The following ZFPM2 variants were observed in gnomAD, a reference collection of about 807,000 sequenced individuals.
The protein encoded by ZFPM2 is zinc finger protein ZFPM2.
ZFPM2 carries 20 observed loss-of-function variants against 98.6 expected under a neutral mutation model. That is an observed-to-expected ratio of 0.20 (90% CI 0.14 to 0.29). The LOEUF (loss-of-function observed/expected upper bound fraction) is 0.29. ZFPM2 is among the 10% of genes least tolerant of loss of function. The probability of loss-of-function intolerance (pLI) is 1.00; values close to 1 mark genes in which losing one functional copy is unlikely to be tolerated. For missense variants in ZFPM2, 1,310 were observed against 1,388.6 expected (o/e 0.94, Z 0.90); for synonymous variants, 518 against 502.7 (o/e 1.03, Z -0.41).
chr8:105,767,218 A>G (rs1006400057), intron 5 of ZFPM2, among the ~76,000 whole-genome samples: 1 of 151,978 alleles, frequency 6.6e-6, no homozygotes, highest in East Asian at 1.9e-4. Flanking sequence ...TTTACATACC[A>G]TCCTGTATAG....
chr8:105,385,752 G>A (rs763424290), intron 1 of ZFPM2, among the ~76,000 whole-genome samples: 7 of 152,164 alleles, frequency 4.6e-5, no homozygotes, highest in Non-Finnish European at 8.8e-5. Flanking sequence ...TCCTTCATTG[G>A]CACATTTTAT....
chr8:105,493,491 C>CT (rs1813396828), intron 3 of ZFPM2, among the ~76,000 whole-genome samples: 2 of 152,190 alleles, frequency 1.3e-5, no homozygotes, highest in Admixed American at 1.3e-4. Context: ...ACAACACACA[C>CT]TGCAAGTGAT....
At chr8:105,321,843 A>G (rs1812031458) in intron 1 of ZFPM2, among the ~76,000 whole-genome samples, 1 of 152,172 alleles carries the variant, frequency 6.6e-6, no homozygotes, top group Non-Finnish European at 1.5e-5. Flanking sequence ...CCAGCCCAGC[A>G]ATCTGCAGAA....
At chr8:105,464,968 C>T (rs866425885) in intron 3 of ZFPM2, among the ~76,000 whole-genome samples, 8 of 146,778 alleles carry the variant, frequency 5.5e-5, no homozygotes, top group African/African-American at 1.8e-4. Flanking sequence ...AAAAAAAAGT[C>T]TAACCTTTCT....
At position 105,393,820 on chromosome 8, in the gene ZFPM2, A is replaced by G. The variant is rs1811165707; in HGVS notation, c.41-25324A>G. Among the ~76,000 whole-genome samples, 3 of 151,826 alleles carry G rather than the reference A, an allele frequency of 2.0e-5. No individual in the cohort carries two copies. The South Asian group carries it at 6.2e-4, about 32-fold the overall frequency. On this transcript the variant is annotated intron_variant, in intron 1 of 7. Coordinates refer to ENST00000407775, the MANE Select transcript of ZFPM2 (RefSeq NM_012082.4). ...AATATCTTGGATTTAGGTCAGAATT[A>G]TTATTCCTAACCACAATTTGGGAAG... is the stretch of plus-strand genomic sequence containing the variant.
At chr8:105,460,505 G>T (rs573877915) in intron 3 of ZFPM2, among the ~76,000 whole-genome samples, 1 of 152,092 alleles carries the variant, frequency 6.6e-6, no homozygotes, top group Non-Finnish European at 1.5e-5. Context: ...TTCCAGCATC[G>T]CAGGCACGGG....
rs184634602 is a variant in ZFPM2, at chr8:105,633,359, C to T, written c.421-887C>T. Among the ~76,000 whole-genome samples, 6 of 152,186 alleles carry T rather than the reference C, an allele frequency of 3.9e-5. No homozygotes were observed. In the East Asian group the frequency reaches 5.8e-4, roughly 15 times the overall value. ...GATATACAGAACATGGACTGGAGAA[C>T]GATAAAAGTGAATGCCGGTTCACGG... On this transcript the variant is annotated intron_variant, in intron 4 of 7. Coordinates refer to ENST00000407775, the MANE Select transcript of ZFPM2 (RefSeq NM_012082.4).
chr8:105,696,064 A>C (rs1302272100), intron 5 of ZFPM2, among the ~76,000 whole-genome samples: 1 of 152,170 alleles, frequency 6.6e-6, no homozygotes, highest in Admixed American at 6.5e-5. Context: ...TAACAGTGCA[A>C]TATTAATATA....
intron 5 of ZFPM2, among the ~76,000 whole-genome samples, chr8:105,734,835 A>G (rs1310667668): frequency 1.3e-5 from 2 of 151,288 alleles, no homozygotes; most frequent in Non-Finnish European, 2.9e-5. Flanking sequence ...ATTTTATTAC[A>G]TACTCAAAAA....
intron 5 of ZFPM2, among the ~76,000 whole-genome samples, chr8:105,693,849 C>T (rs1810948592): frequency 6.6e-6 from 1 of 151,932 alleles, no homozygotes; most frequent in African/African-American, 2.4e-5. Context: ...ATGATCAAAT[C>T]AGCGTATTTA....
chr8:105,386,898 C>A (rs891657528), intron 1 of ZFPM2, among the ~76,000 whole-genome samples: 8 of 152,066 alleles, frequency 5.3e-5, no homozygotes, highest in African/African-American at 1.9e-4. Context: ...AGAGTGTGGA[C>A]ACAAAAGTTC....
At chr8:105,594,650 G>A (rs547649701) in intron 4 of ZFPM2, among the ~76,000 whole-genome samples, 5 of 152,078 alleles carry the variant, frequency 3.3e-5, no homozygotes, top group South Asian at 2.1e-4. Flanking sequence ...CTCAAAAAGC[G>A]CAAAGCTAAT....
intron 4 of ZFPM2, among the ~76,000 whole-genome samples, chr8:105,591,148 T>C (rs1417624717): frequency 1.3e-5 from 2 of 152,060 alleles, no homozygotes; most frequent in Admixed American, 1.3e-4. Flanking sequence ...ATCAGTTTGC[T>C]GATTTTGACT....
intron 5 of ZFPM2, among the ~76,000 whole-genome samples, chr8:105,741,036 T>A (rs558348186): frequency 1.6e-4 from 25 of 152,126 alleles, no homozygotes; most frequent in Non-Finnish European, 1.3e-4. Context: ...CAGGGCAGCC[T>A]GCAGTGACTG....
In ZFPM2 at chr8:105,410,224, C is replaced by T. The variant is rs181894996; in HGVS notation, c.41-8920C>T. ...GATTTTCTTCTCTAATTAAATGTTT[C>T]CCCCTCACATCTTTGTAGTGAATTG... is the stretch of plus-strand genomic sequence containing the variant. On this transcript the variant is annotated intron_variant, in intron 1 of 7. Transcript: ENST00000407775. Among the ~76,000 whole-genome samples, 559 of 151,926 alleles carry T rather than the reference C, an allele frequency of 3.7e-3. 8 individuals carry two copies. Among genetic ancestry groups the T allele is most frequent in the African/African-American group, 0.013 (519 of 41,484 alleles).
At chr8:105,710,149 C>T (rs570387625) in intron 5 of ZFPM2, among the ~76,000 whole-genome samples, 2 of 150,802 alleles carry the variant, frequency 1.3e-5, no homozygotes, top group African/African-American at 2.4e-5. Flanking sequence ...AAAAACTTTA[C>T]GTTTGTGAAG....
chr8:105,751,963 G>C (rs1384089814), intron 5 of ZFPM2, among the ~76,000 whole-genome samples: 1 of 152,064 alleles, frequency 6.6e-6, no homozygotes, highest in African/African-American at 2.4e-5. Context: ...CCATATTTCT[G>C]AAATACATTC....
intron 1 of ZFPM2, among the ~76,000 whole-genome samples, chr8:105,373,313 C>A (rs1406764892): frequency 6.6e-6 from 1 of 152,210 alleles, no homozygotes. Context: ...TCAGCAGGTA[C>A]ATCAAGAAAT....
At chr8:105,788,605 C>T in intron 5 of ZFPM2, 113 bp from the exon 6 acceptor site, 1 of 1,035,994 alleles carries the variant, frequency 9.7e-7, no homozygotes, top group Non-Finnish European at 1.5e-6. Context: ...ACACTCCACT[C>T]CAGTAGAAAC....
Sources: gnomAD v4.1 joint callset for allele counts (sites outside exome capture counted in the v4.1 genomes callset) on GRCh38, gnomAD v4.1.1 for gene constraint, MANE v1.5 for transcripts, NCBI Gene and HGNC (gene_info 2026-07-23, HGNC 2026-07-21) for gene names.